Variants in TAFA1 observed in about 807,000 individuals in gnomAD.
TAFA1 encodes the protein chemokine-like protein TAFA-1.
Under a neutral mutation model 18.5 loss-of-function variants are expected in TAFA1, and 4 were observed. That is an observed-to-expected ratio of 0.22 (90% confidence interval 0.11 to 0.49). The LOEUF is 0.49. Among genes scored for constraint, TAFA1 ranks in the 20% least tolerant of loss-of-function variants. The pLI is 0.98. For synonymous variants in TAFA1, 56 were observed against 55.2 expected (o/e 1.01, Z -0.06); for missense variants, 147 against 169.0 (o/e 0.87, Z 0.72).
At chr3:68,237,584 G>T (rs898209156) in intron 2 of TAFA1, among the ~76,000 whole-genome samples, 6 of 152,234 alleles carry the variant, frequency 3.9e-5, no homozygotes, top group African/African-American at 1.4e-4. Flanking sequence ...GCATCCTGAG[G>T]GGGTGACACA....
At chr3:68,415,612 C>T (rs913745859) in intron 2 of TAFA1, among the ~76,000 whole-genome samples, 2 of 151,792 alleles carry the variant, frequency 1.3e-5, no homozygotes, top group East Asian at 1.9e-4. Context: ...AAATTTATAC[C>T]TTTGTTGGCA....
At chr3:68,217,560 C>G (rs1276857319) in intron 2 of TAFA1, among the ~76,000 whole-genome samples, 1 of 151,864 alleles carries the variant, frequency 6.6e-6, no homozygotes, top group African/African-American at 2.4e-5. Flanking sequence ...AAAGCATGGA[C>G]TTTATTTAGT....
intron 2 of TAFA1, among the ~76,000 whole-genome samples, chr3:68,359,192 T>G (rs543767694): frequency 1.3e-5 from 2 of 152,174 alleles, no homozygotes; most frequent in South Asian, 4.1e-4. Flanking sequence ...TCTTCCAGTA[T>G]GCCCTATGGC....
At chr3:68,370,186 G>A (rs1160687574) in intron 2 of TAFA1, among the ~76,000 whole-genome samples, 2 of 140,856 alleles carry the variant, frequency 1.4e-5, no homozygotes, top group Non-Finnish European at 3.0e-5. Flanking sequence ...TACTAGGGAG[G>A]CTGAGACAGG....
At chr3:68,049,663 G>A (rs765884610) in intron 2 of TAFA1, among the ~76,000 whole-genome samples, 11 of 151,702 alleles carry the variant, frequency 7.3e-5, no homozygotes, top group Non-Finnish European at 1.5e-4. Context: ...CAAAGGAGGT[G>A]TACAGATGTT....
At chr3:68,320,637 C>G (rs1203300421) in intron 2 of TAFA1, among the ~76,000 whole-genome samples, 1 of 152,180 alleles carries the variant, frequency 6.6e-6, no homozygotes, top group Non-Finnish European at 1.5e-5. Flanking sequence ...GACCCAGGGC[C>G]AGAGGTGGCT....
intron 2 of TAFA1, among the ~76,000 whole-genome samples, chr3:68,411,462 A>T (rs1179301178): frequency 6.6e-6 from 1 of 152,144 alleles, no homozygotes; most frequent in Non-Finnish European, 1.5e-5. Context: ...GATATCTTTG[A>T]TGGGACCCTG....
intron 2 of TAFA1, among the ~76,000 whole-genome samples, chr3:68,370,353 T>A (rs61673414): frequency 2.4e-5 from 1 of 41,128 alleles, no homozygotes; most frequent in African/African-American, 1.1e-4. Flanking sequence ...TATATATATA[T>A]ACACACACAC....
chr3:68,295,915 A>G (rs1352229506), intron 2 of TAFA1, among the ~76,000 whole-genome samples: 1 of 152,174 alleles, frequency 6.6e-6, no homozygotes, highest in Non-Finnish European at 1.5e-5. Context: ...AGCTGAGACC[A>G]GCTATGTTTC....
chr3:68,236,741 C>A (rs1458223316), intron 2 of TAFA1, among the ~76,000 whole-genome samples: 2 of 152,124 alleles, frequency 1.3e-5, no homozygotes, highest in Non-Finnish European at 2.9e-5. Flanking sequence ...TTGAATGTCC[C>A]TGCCTGGTCA....
In TAFA1 at chr3:68,223,116, T is replaced by C. The variant is rs2066752483; in HGVS notation, c.119-194164T>C. 2.0e-5 allele frequency among the ~76,000 whole-genome samples: 3 copies of C among 152,194 alleles called. No individual in the cohort carries two copies. In the South Asian group the frequency reaches 6.2e-4, roughly 31 times the overall value. ...TCTTTCAGAGCCAAGTTTGGTGACT[T>C]AGGTAGGTATTCAGAGTGGGTGAAC... On this transcript the variant is annotated intron_variant, in intron 2 of 4. Transcript: ENST00000478136.
At chr3:68,266,077 A>G (rs1253210665) in intron 2 of TAFA1, among the ~76,000 whole-genome samples, 3 of 152,120 alleles carry the variant, frequency 2.0e-5, no homozygotes, top group Admixed American at 6.6e-5. Flanking sequence ...CAGGACATAA[A>G]ATGTTCCCTT....
At chr3:68,398,949 C>T (rs1235464517) in intron 2 of TAFA1, among the ~76,000 whole-genome samples, 2 of 152,138 alleles carry the variant, frequency 1.3e-5, no homozygotes, top group South Asian at 2.1e-4. Flanking sequence ...ATTTCTCTCT[C>T]ATTTAGTCTA....
chr3:68,398,961 C>T lies in TAFA1; in HGVS notation c.119-18319C>T, dbSNP rs532214742. Among the ~76,000 whole-genome samples, 3 of 152,192 alleles carry T rather than the reference C, an allele frequency of 2.0e-5. No individual in the cohort carries two copies. In the East Asian group the frequency reaches 5.8e-4, roughly 29 times the overall value. ...AAAATTTCTCTCTCATTTAGTCTAA[C>T]TGACTTAACATCCAAATTACTCTTT... On this transcript the variant is annotated intron_variant, in intron 2 of 4. Coordinates refer to ENST00000478136, the MANE Select transcript of TAFA1 (RefSeq NM_213609.4).
chr3:68,510,189 C>G (rs758366439), intron 3 of TAFA1, among the ~76,000 whole-genome samples: 7 of 152,050 alleles, frequency 4.6e-5, no homozygotes, highest in Admixed American at 6.6e-5. Flanking sequence ...TAATCACTCT[C>G]GTAGGCAGAG....
chr3:68,228,172 G>C (rs188651072), intron 2 of TAFA1, among the ~76,000 whole-genome samples: 1 of 152,194 alleles, frequency 6.6e-6, no homozygotes, highest in African/African-American at 2.4e-5. Flanking sequence ...TGCATGGAAA[G>C]CATCATTACA....
intron 3 of TAFA1, among the ~76,000 whole-genome samples, chr3:68,443,435 C>T (rs1006666346): frequency 2.1e-5 from 3 of 142,530 alleles, no homozygotes; most frequent in Admixed American, 1.5e-4. Context: ...TTTGTTTTCA[C>T]GCTGCTGATA....
chr3:68,022,839 A>AT (rs1298823228), intron 2 of TAFA1, among the ~76,000 whole-genome samples: 612 of 16,268 alleles, frequency 0.038, 7 homozygotes, highest in African/African-American at 0.093. Context: ...TAATATATAT[A>AT]TATTATATAT....
chr3:68,092,435 A>G (rs1417570660), intron 2 of TAFA1, among the ~76,000 whole-genome samples: 4 of 152,192 alleles, frequency 2.6e-5, no homozygotes, highest in Admixed American at 6.5e-5. Flanking sequence ...AGGTCAGCAC[A>G]TATTCTTACA....
Sources: gnomAD v4.1 joint callset for allele counts (sites outside exome capture counted in the v4.1 genomes callset) on GRCh38, gnomAD v4.1.1 for gene constraint, MANE v1.5 for transcripts, NCBI Gene and HGNC (gene_info 2026-07-23, HGNC 2026-07-21) for gene names.